BPGM: variants seen among roughly 807,000 people sequenced by gnomAD.
The protein encoded by BPGM is bisphosphoglycerate mutase.
BPGM carries 15 observed loss-of-function variants against 21.6 expected under a neutral mutation model. The ratio of observed to expected loss-of-function variants is 0.70; its 90% confidence interval spans 0.47 to 1.07. BPGM has a LOEUF of 1.07. Among genes scored for constraint, BPGM ranks in the 50% least tolerant of loss-of-function variants. BPGM has a pLI of 0.00. For synonymous variants in BPGM, 113 were observed against 116.2 expected, an observed-to-expected ratio of 0.97 and a Z score of 0.18; for missense variants, 273 against 319.0, an observed-to-expected ratio of 0.86 and a Z score of 1.10.
intron 1 of BPGM, among the ~76,000 whole-genome samples, chr7:134,658,831 A>G (rs1328940113): frequency 6.6e-6 from 1 of 150,602 alleles, no homozygotes; most frequent in African/African-American, 2.5e-5. Flanking sequence ...GGAAGGATGC[A>G]TATTTGCATA....
At chr7:134,667,922 G>T (rs1259606357) in intron 2 of BPGM, among the ~76,000 whole-genome samples, 2 of 152,092 alleles carry the variant, frequency 1.3e-5, no homozygotes, top group African/African-American at 4.8e-5. Flanking sequence ...TGAAAACTAG[G>T]GTGGGAAGAA....
rs767511158 is a variant in BPGM, at chr7:134,679,254, C to T, written c.*223C>T. The T allele has an allele frequency of 1.8e-5, 10 of 555,908 alleles. No individual in the cohort carries two copies. Among genetic ancestry groups the T allele is most frequent in the African/African-American group, 3.8e-5 (2 of 53,064 alleles). 34.4% of individuals were successfully genotyped at this position (555,908 alleles called of 1,614,324 possible). ...TTAGCTTTCTTGCTAGCCCCCTAGT[C>T]GGTCACCAAACTAGTAACTAGTGGG... is the stretch of plus-strand genomic sequence containing the variant. On this transcript the variant is annotated 3_prime_UTR_variant, in exon 3 of 3. Transcript: ENST00000344924.
At chr7:134,659,066 T>A (rs1234269071) in intron 1 of BPGM, among the ~76,000 whole-genome samples, 1 of 152,164 alleles carries the variant, frequency 6.6e-6, no homozygotes, top group Non-Finnish European at 1.5e-5. Context: ...AAGGTGCTTC[T>A]GTCTACAAAA....
intron 1 of BPGM, among the ~76,000 whole-genome samples, chr7:134,659,380 TGTG>T (rs1795693604): frequency 9.5e-6 from 1 of 105,312 alleles, no homozygotes; most frequent in Non-Finnish European, 1.9e-5. Flanking sequence ...TCCGTGTGTG[TGTG>T]TGTGTGTGTG....
intron 1 of BPGM, among the ~76,000 whole-genome samples, chr7:134,653,909 C>T (rs980516810): frequency 1.3e-5 from 2 of 152,124 alleles, no homozygotes; most frequent in Non-Finnish European, 2.9e-5. Flanking sequence ...TGAATGGGCT[C>T]GCCATTTTCC....
rs149620284 is a variant in BPGM, at chr7:134,658,952, G to T, written c.-61-2495G>T. ...TTTAATGCAGTAAGCAAATATAGGA[G>T]AATAAGATACCACAAAGCTTGGTGG... is the stretch of plus-strand genomic sequence containing the variant. On this transcript the variant is annotated intron_variant, in intron 1 of 2. Coordinates refer to ENST00000344924, the MANE Select transcript of BPGM (RefSeq NM_001724.5). 3.5e-3 allele frequency among the ~76,000 whole-genome samples: 519 copies of T among 149,506 alleles called. 3 individuals are homozygous for T. The highest frequency in any genetic ancestry group is 0.012 in the African/African-American group (490 of 40,428).
intron 2 of BPGM, among the ~76,000 whole-genome samples, chr7:134,672,672 G>GAAA (rs1250736806): frequency 3.9e-5 from 6 of 152,040 alleles, no homozygotes; most frequent in Non-Finnish European, 8.8e-5. Flanking sequence ...AAACAACTTG[G>GAAA]ATCAAAAATA....
chr7:134,669,905 CAG>C (rs1454132623), intron 2 of BPGM, among the ~76,000 whole-genome samples: 1 of 152,134 alleles, frequency 6.6e-6, no homozygotes, highest in Non-Finnish European at 1.5e-5. Flanking sequence ...CTGACTGGTT[CAG>C]ACACACTTCT....
chr7:134,675,346 C>A (rs1795968114), intron 2 of BPGM, among the ~76,000 whole-genome samples: 1 of 151,970 alleles, frequency 6.6e-6, no homozygotes, highest in African/African-American at 2.4e-5. Flanking sequence ...AGACTTTACT[C>A]CTATGGCTTT....
chr7:134,678,246 G>A (rs1796010189), intron 2 of BPGM, among the ~76,000 whole-genome samples: 2 of 152,202 alleles, frequency 1.3e-5, no homozygotes, highest in African/African-American at 4.8e-5. Context: ...GGAATGTTCA[G>A]GGATCATAGG....
chr7:134,651,666 T>C (rs1417386890), intron 1 of BPGM, among the ~76,000 whole-genome samples: 1 of 152,142 alleles, frequency 6.6e-6, no homozygotes, highest in African/African-American at 2.4e-5. Context: ...CTATCTACAG[T>C]CCCTGTCTTG....
chr7:134,676,263 C>T (rs1795981709), intron 2 of BPGM, among the ~76,000 whole-genome samples: 1 of 152,168 alleles, frequency 6.6e-6, no homozygotes, highest in African/African-American at 2.4e-5. Flanking sequence ...GGTTCAAGAA[C>T]TTAAGATTAA....
At chr7:134,660,044 C>T (rs1795705944) in intron 1 of BPGM, among the ~76,000 whole-genome samples, 1 of 152,212 alleles carries the variant, frequency 6.6e-6, no homozygotes, top group South Asian at 2.1e-4. Flanking sequence ...ATATTCCCTT[C>T]ATTAAGCAAC....
chr7:134,664,292 G>A (rs146335123), intron 2 of BPGM, among the ~76,000 whole-genome samples: 14 of 152,304 alleles, frequency 9.2e-5, no homozygotes, highest in Non-Finnish European at 1.8e-4. Context: ...GAGCAGGGCT[G>A]TGCTCTCTCT....
chr7:134,664,553 T>C (rs555417065), intron 2 of BPGM, among the ~76,000 whole-genome samples: 1 of 152,236 alleles, frequency 6.6e-6, no homozygotes, highest in Admixed American at 6.5e-5. Context: ...TTATGAGGAG[T>C]TTGGGACTTC....
intron 2 of BPGM, among the ~76,000 whole-genome samples, chr7:134,670,397 G>A (rs965925558): frequency 5.9e-5 from 9 of 152,144 alleles, no homozygotes; most frequent in East Asian, 1.9e-4. Context: ...GCTTCTGTGA[G>A]GCAAGTAGTT....
At chr7:134,666,170 G>A (rs118124593) in intron 2 of BPGM, among the ~76,000 whole-genome samples, 3,285 of 152,170 alleles carry the variant, frequency 0.022, 55 homozygotes, top group Non-Finnish European at 0.031. Flanking sequence ...GAGCCACTGC[G>A]CACCTGGCCA....
At chr7:134,671,558 G>A (rs1795904991) in intron 2 of BPGM, among the ~76,000 whole-genome samples, 1 of 151,900 alleles carries the variant, frequency 6.6e-6, no homozygotes, top group Non-Finnish European at 1.5e-5. Flanking sequence ...TTAGAGACGG[G>A]GTTTCACTGT....
At position 134,679,292 on chromosome 7, in the gene BPGM, T is replaced by G. The variant is rs553228095; in HGVS notation, c.*261T>G. On this transcript the variant is annotated 3_prime_UTR_variant, in exon 3 of 3. Coordinates refer to ENST00000344924, the MANE Select transcript of BPGM (RefSeq NM_001724.5). ...AGTAACTAGTGGGGCTTAATGAAGG[T>G]CATAAGTTTCTGAGATGGGAGAGCA... The G allele has an allele frequency of 5.4e-4, 256 of 470,538 alleles. 1 individual carries two copies. Among genetic ancestry groups the G allele is most frequent in the African/African-American group, 4.6e-3 (240 of 51,630 alleles). The allele number at this position is 470,538 out of a possible 1,614,324, so 29.1% of individuals were successfully genotyped here.
Sources: gnomAD v4.1 joint callset for allele counts (sites outside exome capture counted in the v4.1 genomes callset) on GRCh38, gnomAD v4.1.1 for gene constraint, MANE v1.5 for transcripts, NCBI Gene and HGNC (gene_info 2026-07-23, HGNC 2026-07-21) for gene names.